The following UNC79 variants were observed in gnomAD, a reference collection of about 807,000 sequenced individuals.
UNC79 encodes the protein unc-79 subunit of NALCN channel complex.
Under a neutral mutation model 283.1 loss-of-function variants are expected in UNC79, and 37 were observed. That is an observed-to-expected ratio of 0.13 (90% confidence interval 0.10 to 0.17). The LOEUF (loss-of-function observed/expected upper bound fraction) is 0.17, where lower values mean the gene tolerates loss of function less well. UNC79 is among the 10% of genes least tolerant of loss of function. The probability of loss-of-function intolerance (pLI) is 1.00; values close to 1 mark genes in which losing one functional copy is unlikely to be tolerated. For synonymous variants in UNC79, 1,107 were observed against 1,200.2 expected, an observed-to-expected ratio of 0.92 and a Z score of 1.61; for missense variants, 2,272 against 3,211.1, an observed-to-expected ratio of 0.71 and a Z score of 7.07.
At chr14:93,479,450 A>G (rs2058005302) in intron 4 of UNC79, among the ~76,000 whole-genome samples, 3 of 152,138 alleles carry the variant, frequency 2.0e-5, no homozygotes, top group African/African-American at 7.2e-5. Context: ...GGCACCAGCC[A>G]CCACGCCCAG....
At chr14:93,415,189 C>T (rs1486729603) in intron 1 of UNC79, among the ~76,000 whole-genome samples, 1 of 152,142 alleles carries the variant, frequency 6.6e-6, no homozygotes, top group African/African-American at 2.4e-5. Flanking sequence ...TTTTGAGATA[C>T]GTCCCATCAA....
intron 17 of UNC79, among the ~76,000 whole-genome samples, chr14:93,576,050 C>T (rs2063459829): frequency 6.6e-6 from 1 of 152,212 alleles, no homozygotes; most frequent in Admixed American, 6.5e-5. Flanking sequence ...TTCTTTCTTT[C>T]TTCTGTAACC....
chr14:93,404,569 A>C (rs973441731), intron 1 of UNC79, among the ~76,000 whole-genome samples: 1 of 143,462 alleles, frequency 7.0e-6, no homozygotes, highest in African/African-American at 2.5e-5. Context: ...TCAGTAAAAC[A>C]TAGAAACACA....
chr14:93,665,171 AATG>A (rs1302446423), intron 40 of UNC79, among the ~76,000 whole-genome samples: 3 of 149,800 alleles, frequency 2.0e-5, no homozygotes, highest in African/African-American at 4.9e-5. Flanking sequence ...CTATACTTTA[AATG>A]ATAAGCATAT....
chr14:93,506,459 A>AT (rs2140784977), intron 7 of UNC79, among the ~76,000 whole-genome samples: 1 of 151,784 alleles, frequency 6.6e-6, no homozygotes, highest in South Asian at 2.1e-4. Flanking sequence ...CAGTCATTTT[A>AT]TTTTTCATAC....
At chr14:93,352,909 A>G (rs1278427059) in intron 1 of UNC79, among the ~76,000 whole-genome samples, 1 of 152,232 alleles carries the variant, frequency 6.6e-6, no homozygotes, top group Non-Finnish European at 1.5e-5. Flanking sequence ...CGTGCTCAGA[A>G]CACTTATAAA....
intron 40 of UNC79, among the ~76,000 whole-genome samples, chr14:93,665,651 G>A (rs940997661): frequency 3.3e-5 from 5 of 151,284 alleles, no homozygotes; most frequent in African/African-American, 1.2e-4. Context: ...AAAACCAAGG[G>A]AAAAGACACT....
At chr14:93,638,992 C>T (rs1366826427) in intron 32 of UNC79, among the ~76,000 whole-genome samples, 1 of 152,206 alleles carries the variant, frequency 6.6e-6, no homozygotes, top group African/African-American at 2.4e-5. Context: ...TTGCATCATA[C>T]ATTCCGTGCT....
chr14:93,485,134 G>C (rs886878386), intron 4 of UNC79, among the ~76,000 whole-genome samples: 12 of 150,922 alleles, frequency 8.0e-5, no homozygotes, highest in African/African-American at 2.9e-4. Flanking sequence ...AAAAGTTTGA[G>C]ATGAATTTAA....
chr14:93,689,400 A>C (rs561689621), intron 44 of UNC79: 1 of 152,792 alleles, frequency 6.5e-6, no homozygotes, highest in African/African-American at 2.4e-5. Flanking sequence ...GGAGGAAAAG[A>C]TCACTGGGGA....
chr14:93,658,725 G>GT (rs2071221384), intron 38 of UNC79, among the ~76,000 whole-genome samples: 3 of 152,188 alleles, frequency 2.0e-5, no homozygotes, highest in East Asian at 1.9e-4. Context: ...TGGATTCATG[G>GT]TTTTTTTAAA....
At chr14:93,612,287 T>C (rs750790807) in intron 26 of UNC79, among the ~76,000 whole-genome samples, 3 of 152,238 alleles carry the variant, frequency 2.0e-5, no homozygotes, top group Non-Finnish European at 4.4e-5. Context: ...TGGAAAAGAT[T>C]TGTTTTTTGC....
At chr14:93,403,380 T>C (rs528630708) in intron 1 of UNC79, among the ~76,000 whole-genome samples, 1 of 152,344 alleles carries the variant, frequency 6.6e-6, no homozygotes, top group East Asian at 1.9e-4. Context: ...AATTTCTCTG[T>C]GGGAAAATTG....
At chr14:93,570,008 A>G (rs2063122733) in intron 14 of UNC79, among the ~76,000 whole-genome samples, 4 of 152,144 alleles carry the variant, frequency 2.6e-5, no homozygotes, top group Admixed American at 2.0e-4. Flanking sequence ...GTATAGTAGC[A>G]CAACCATAGC....
At position 93,507,217 on chromosome 14, in the gene UNC79, GTT is replaced by G. The variant is rs986185141; in HGVS notation, c.898+9937_898+9938del. 9.2e-5 allele frequency among the ~76,000 whole-genome samples: 14 copies of G among 152,198 alleles called. No individual in the cohort carries two copies. In the East Asian group the frequency reaches 2.7e-3, roughly 29 times the overall value. On this transcript the variant is annotated intron_variant, in intron 7 of 48. Coordinates refer to ENST00000555664, the Ensembl canonical transcript of UNC79. ...AAGCTGCTATGAATATCTTATACAA[GTT>G]TTTTTGTGGACTTACGCATTTATTT...
intron 42 of UNC79, among the ~76,000 whole-genome samples, chr14:93,684,240 A>C (rs1012600558): frequency 6.6e-6 from 1 of 152,172 alleles, no homozygotes; most frequent in East Asian, 1.9e-4. Flanking sequence ...GATTAGACTT[A>C]TTGATGGTAA....
At chr14:93,410,152 G>GT (rs1448585874) in intron 1 of UNC79, among the ~76,000 whole-genome samples, 18 of 152,250 alleles carry the variant, frequency 1.2e-4, no homozygotes, top group Non-Finnish European at 2.5e-4. Context: ...ACACTTGGGA[G>GT]TGGGTGAGTG....
chr14:93,673,190 T>G (rs953934745), intron 40 of UNC79, among the ~76,000 whole-genome samples, 161 bp from the exon 44 acceptor site: 2 of 151,970 alleles, frequency 1.3e-5, no homozygotes, highest in Non-Finnish European at 2.9e-5. Context: ...AAAAATGCCT[T>G]TTTTTTGTTC....
At chr14:93,463,068 A>G (rs1595524067) in intron 1 of UNC79, among the ~76,000 whole-genome samples, 1 of 152,116 alleles carries the variant, frequency 6.6e-6, no homozygotes, top group African/African-American at 2.4e-5. Flanking sequence ...GATGAATTCC[A>G]ACACTTAGAT....
Sources: allele counts gnomAD v4.1 joint callset (sites outside exome capture counted in the v4.1 genomes callset), GRCh38; gene constraint gnomAD v4.1.1; transcripts MANE v1.5; gene names NCBI Gene and HGNC (gene_info 2026-07-23, HGNC 2026-07-21).